The following BNIP2 variants were observed in gnomAD, a reference collection of about 807,000 sequenced individuals.
BNIP2 encodes BCL2 interacting protein 2, also known as BCL2/adenovirus E1B 19 kDa protein-interacting protein 2.
Under a neutral mutation model 43.4 loss-of-function variants are expected in BNIP2, and 36 were observed. The observed-to-expected ratio is 0.83, with a 90% CI of 0.64 to 1.10. BNIP2 has a LOEUF of 1.10. Among genes scored for constraint, BNIP2 ranks in the 50% least tolerant of loss-of-function variants. The pLI is 0.00. For synonymous variants in BNIP2, 146 were observed against 121.0 expected (o/e 1.21, Z -1.35); for missense variants, 417 against 374.1 (o/e 1.11, Z -0.95).
rs1299331918 is a variant in BNIP2, at chr15:59,676,977, T to A, written c.472+934A>T. The A allele has an allele frequency of 3.1e-6, 5 of 1,613,512 alleles. No individual in the cohort carries two copies. In the African/African-American group the frequency reaches 6.7e-5, roughly 22 times the overall value. ...TCTGCTGCCATCTTCATCACCCTCT[T>A]AGGTCTGCTTGGTTATCTCCATTTT... On this transcript the variant is annotated intron_variant, in intron 5 of 9. Transcript: ENST00000607373.
At chr15:59,681,696 C>T (rs1893684115) in intron 2 of BNIP2, among the ~76,000 whole-genome samples, 1 of 152,078 alleles carries the variant, frequency 6.6e-6, no homozygotes, top group South Asian at 2.1e-4. Flanking sequence ...ATCTGCCTAT[C>T]TCGGCCTCCC....
intron 1 of BNIP2, chr15:59,688,905 C>T (rs1274270379): frequency 2.7e-6 from 4 of 1,467,616 alleles, no homozygotes; most frequent in Non-Finnish European, 3.6e-6. Context: ...GGGTGGGGGG[C>T]CAAACTGCCA....
chr15:59,680,216 A>G (rs758537325), intron 3 of BNIP2, 25 bp downstream of exon 3: 3 of 1,491,174 alleles, frequency 2.0e-6, no homozygotes, highest in Admixed American at 2.2e-5. Flanking sequence ...CATAATTTCA[A>G]TGAAAGTAAG....
Position 59,672,757 on chromosome 15 carries a change from G to A in BNIP2, c.473-18C>T, listed in dbSNP as rs370271258. The A allele has an allele frequency of 1.2e-5, 19 of 1,594,032 alleles. No individual in the cohort carries two copies. Among genetic ancestry groups the A allele is most frequent in the Non-Finnish European group, 1.5e-5 (18 of 1,162,570 alleles). On this transcript the variant is annotated intron_variant, in intron 5 of 9. Transcript: ENST00000607373. ...ATAATATCCTAAAAAAGAAACCAAAGACAGTATCACCAGCACGATTTTACT... is the reference window on the plus strand; with the variant it reads ...ATAATATCCTAAAAAAGAAACCAAAAACAGTATCACCAGCACGATTTTACT...
intron 1 of BNIP2, among the ~76,000 whole-genome samples, chr15:59,688,294 T>C (rs1179350235): frequency 1.3e-5 from 2 of 152,244 alleles, no homozygotes; most frequent in Non-Finnish European, 2.9e-5. Context: ...AATTTGTTTC[T>C]ACAATTGCAG....
chr15:59,677,252 C>T (rs1893363312), intron 5 of BNIP2: 18 of 1,597,590 alleles, frequency 1.1e-5, no homozygotes, highest in Non-Finnish European at 1.5e-5. Context: ...GGCTGGACTG[C>T]TTGACTGAAG....
At chr15:59,680,132 C>G in intron 3 of BNIP2, 109 bp downstream of exon 3, 1 of 896,710 alleles carries the variant, frequency 1.1e-6, no homozygotes, top group Non-Finnish European at 1.6e-6. Context: ...ACTTTGACTT[C>G]TATGATGGAA....
chr15:59,672,535 GAACTGGAATATTTATAATTTTTGA>G, intron 6 of BNIP2, 78 bp downstream of exon 6: 1 of 843,466 alleles, frequency 1.2e-6, no homozygotes, highest in Non-Finnish European at 1.8e-6. Flanking sequence ...GTCTCCCAAA[GAACTGGAATATTTATAATTTTTGA>G]AAAGGTTAAG....
intron 5 of BNIP2, among the ~76,000 whole-genome samples, chr15:59,673,408 C>A (rs1232689560): frequency 4.0e-5 from 6 of 151,124 alleles, no homozygotes; most frequent in African/African-American, 1.5e-4. Context: ...GCCACCGTGC[C>A]CGGCAAAGTG....
At chr15:59,667,062 G>T (rs1195090381) in intron 9 of BNIP2, among the ~76,000 whole-genome samples, 1 of 152,166 alleles carries the variant, frequency 6.6e-6, no homozygotes, top group East Asian at 1.9e-4. Flanking sequence ...TCAGCCACTT[G>T]TCTGTCGAAT....
chr15:59,689,313 G>T lies in BNIP2; in HGVS notation c.-236C>A, dbSNP rs1461408013. The T allele has an allele frequency of 1.9e-6, 3 of 1,547,394 alleles. No individual in the cohort carries two copies. Among genetic ancestry groups the T allele is most frequent in the African/African-American group, 2.7e-5 (2 of 72,922 alleles). ...GGCGTCGGCGGCAGCAGCTGACCCGGACACAGTGAGAAGCCCCGGCGGAAG... is the reference window on the plus strand; with the variant it reads ...GGCGTCGGCGGCAGCAGCTGACCCGTACACAGTGAGAAGCCCCGGCGGAAG... On this transcript the variant is annotated 5_prime_UTR_variant, in exon 1 of 10. Coordinates refer to ENST00000607373, the MANE Select transcript of BNIP2 (RefSeq NM_004330.4).
chr15:59,682,364 G>C, intron 2 of BNIP2, 44 bp downstream of exon 2: 1 of 1,506,238 alleles, frequency 6.6e-7, no homozygotes, highest in Non-Finnish European at 9.0e-7. Context: ...AAGAAATTTT[G>C]AACTTTTGCT....
chr15:59,672,912 T>C (rs1893026019), intron 5 of BNIP2, among the ~76,000 whole-genome samples, 173 bp from the exon 6 acceptor site: 1 of 152,126 alleles, frequency 6.6e-6, no homozygotes, highest in Admixed American at 6.5e-5. Context: ...TAATGTCTTC[T>C]TCCCAAAAAG....
At chr15:59,688,910 C>T (rs920426364) in intron 1 of BNIP2, 3 of 1,464,534 alleles carry the variant, frequency 2.0e-6, no homozygotes, top group Non-Finnish European at 2.7e-6. Flanking sequence ...GGGGGCCAAA[C>T]TGCCAAATAC....
intron 9 of BNIP2, 78 bp downstream of exon 9, chr15:59,668,814 T>A: frequency 8.4e-7 from 1 of 1,197,360 alleles, no homozygotes; most frequent in Non-Finnish European, 1.2e-6. Flanking sequence ...ACATAAAGAA[T>A]GAGTATTGAA....
chr15:59,668,543 C>G (rs1416139430), intron 9 of BNIP2, among the ~76,000 whole-genome samples: 2 of 152,150 alleles, frequency 1.3e-5, no homozygotes, highest in East Asian at 3.8e-4. Context: ...GATCAGTTTA[C>G]TCAAATTTGT....
chr15:59,688,648 G>T (rs1201164202), intron 1 of BNIP2: 1 of 1,456,966 alleles, frequency 6.9e-7, no homozygotes, highest in Non-Finnish European at 9.3e-7. Context: ...CTCTGTATTT[G>T]GTTTAGCGTA....
chr15:59,667,705 G>C (rs1427982947), intron 9 of BNIP2, among the ~76,000 whole-genome samples: 7 of 152,194 alleles, frequency 4.6e-5, no homozygotes, highest in African/African-American at 1.7e-4. Flanking sequence ...GAAATAAATT[G>C]AGAACTTTTA....
At chr15:59,682,928 A>C (rs761201553) in intron 1 of BNIP2, among the ~76,000 whole-genome samples, 5 of 152,204 alleles carry the variant, frequency 3.3e-5, no homozygotes, top group Non-Finnish European at 4.4e-5. Context: ...AATAATAGTA[A>C]ATCAATAATA....
Sources: allele counts gnomAD v4.1 joint callset (sites outside exome capture counted in the v4.1 genomes callset), GRCh38; gene constraint gnomAD v4.1.1; transcripts MANE v1.5; gene names NCBI Gene and HGNC (gene_info 2026-07-23, HGNC 2026-07-21).